The following ARHGEF9 variants were observed in gnomAD, a reference collection of about 807,000 sequenced individuals.
ARHGEF9 encodes the protein rho guanine nucleotide exchange factor 9.
ARHGEF9 carries 2 observed loss-of-function variants against 41.3 expected under a neutral mutation model. That is an observed-to-expected ratio of 0.05 (90% CI 0.02 to 0.15). ARHGEF9 has a LOEUF of 0.15. Among genes scored for constraint, ARHGEF9 ranks in the 10% least tolerant of loss-of-function variants. The probability of loss-of-function intolerance (pLI) is 1.00; values close to 1 mark genes in which losing one functional copy is unlikely to be tolerated. For synonymous variants in ARHGEF9, 160 were observed against 154.4 expected (o/e 1.04, Z -0.27); for missense variants, 225 against 424.7 (o/e 0.53, Z 4.13).
intron 1 of ARHGEF9, among the ~76,000 whole-genome samples, chrX:63,751,842 C>T (rs1288965064): frequency 2.8e-4 from 31 of 110,219 alleles, no homozygotes; most frequent in Admixed American, 5.7e-4. Context: ...GTGCTCCCCC[C>T]CACACACCCC....
intron 2 of ARHGEF9, among the ~76,000 whole-genome samples, chrX:63,711,061 C>T (rs1342859572): frequency 1.1e-4 from 12 of 111,082 alleles, no homozygotes; most frequent in African/African-American, 3.9e-4. Context: ...AAAATGATCA[C>T]ATTTAAATAG....
At chrX:63,770,924 A>C (rs1391649631) in intron 1 of ARHGEF9, among the ~76,000 whole-genome samples, 1 of 112,482 alleles carries the variant, frequency 8.9e-6, no homozygotes, top group Non-Finnish European at 1.9e-5. Context: ...TTCTTTTGCA[A>C]ATTGCCCAGT....
intron 8 of ARHGEF9, among the ~76,000 whole-genome samples, chrX:63,649,507 C>T (rs2048385766): frequency 9.0e-6 from 1 of 111,291 alleles, no homozygotes; most frequent in Admixed American, 9.6e-5. Context: ...TAAATTGACA[C>T]CCTAACATCA....
intron 7 of ARHGEF9, among the ~76,000 whole-genome samples, chrX:63,659,641 C>T (rs782059774): frequency 9.0e-6 from 1 of 111,607 alleles, no homozygotes; most frequent in South Asian, 3.8e-4. Context: ...AGCCTTTTCT[C>T]TCCAGATCCT....
intron 1 of ARHGEF9, among the ~76,000 whole-genome samples, chrX:63,734,676 G>A (rs1301033485): frequency 1.8e-5 from 2 of 111,484 alleles, no homozygotes; most frequent in Non-Finnish European, 3.8e-5. Context: ...AGGAATTACG[G>A]TGGCCTGTCG....
intron 1 of ARHGEF9, among the ~76,000 whole-genome samples, chrX:63,771,193 T>A (rs1382831921): frequency 8.9e-6 from 1 of 112,198 alleles, no homozygotes. Flanking sequence ...TTTGAAAATA[T>A]GAAATACCAA....
chrX:63,677,248 C>T (rs1198922267), intron 5 of ARHGEF9, among the ~76,000 whole-genome samples: 1 of 112,114 alleles, frequency 8.9e-6, no homozygotes, highest in Non-Finnish European at 1.9e-5. Context: ...GACATGTCAG[C>T]TAGCCTCCCT....
intron 9 of ARHGEF9, chrX:63,642,540 G>A (rs2047704806): frequency 8.9e-6 from 1 of 112,064 alleles, no homozygotes; most frequent in Non-Finnish European, 1.9e-5. Context: ...CCAAGAGCAA[G>A]AAGTAATAAG....
intron 1 of ARHGEF9, chrX:63,755,391 GA>G (rs1248070048): frequency 1.7e-5 from 6 of 344,691 alleles, no homozygotes; most frequent in African/African-American, 1.3e-4. Flanking sequence ...CTTGGGGGCG[GA>G]TAGAGGGGGT....
chrX:63,652,847 C>T (rs2048636697), intron 8 of ARHGEF9, among the ~76,000 whole-genome samples: 1 of 110,939 alleles, frequency 9.0e-6, no homozygotes, highest in African/African-American at 3.3e-5. Flanking sequence ...TTCTCCCATG[C>T]TGTTCTCATG....
chrX:63,783,441 A>C (rs1369215441), intron 1 of ARHGEF9, among the ~76,000 whole-genome samples: 8 of 110,774 alleles, frequency 7.2e-5, no homozygotes, highest in African/African-American at 2.6e-4. Context: ...TTTTTAGTAG[A>C]GACGGGGTTT....
At chrX:63,671,238 T>C (rs2049940230) in intron 6 of ARHGEF9, 1 of 111,875 alleles carries the variant, frequency 8.9e-6, no homozygotes, top group Admixed American at 9.4e-5. Flanking sequence ...TGGCAGAATG[T>C]CTCTCCTTGC....
At chrX:63,690,312 C>T (rs1162947322) in intron 4 of ARHGEF9, among the ~76,000 whole-genome samples, 1 of 111,099 alleles carries the variant, frequency 9.0e-6, no homozygotes, top group Non-Finnish European at 1.9e-5. Flanking sequence ...GAGAATATAA[C>T]TGATACCACA....
At chrX:63,709,898 C>A (rs1231762868) in intron 2 of ARHGEF9, among the ~76,000 whole-genome samples, 1 of 111,321 alleles carries the variant, frequency 9.0e-6, no homozygotes, top group Non-Finnish European at 1.9e-5. Flanking sequence ...GAAACTGATA[C>A]CCACAGAGAC....
At chrX:63,674,606 A>T (rs2050146981) in intron 5 of ARHGEF9, among the ~76,000 whole-genome samples, 1 of 111,654 alleles carries the variant, frequency 9.0e-6, no homozygotes, top group Non-Finnish European at 1.9e-5. Flanking sequence ...CTTATCTGGG[A>T]AGAGAGAGTT....
chrX:63,683,468 T>C (rs1444067667), intron 4 of ARHGEF9, among the ~76,000 whole-genome samples: 2 of 111,600 alleles, frequency 1.8e-5, no homozygotes, highest in African/African-American at 6.5e-5. Context: ...TAAATTCCAA[T>C]GGCATTTTTC....
At chrX:63,700,536 GAAA>G (rs782510616) in intron 3 of ARHGEF9, among the ~76,000 whole-genome samples, 14 of 111,556 alleles carry the variant, frequency 1.3e-4, no homozygotes, top group Non-Finnish European at 1.9e-4. Context: ...TTTTCAGTTA[GAAA>G]AAAGAAGAAA....
At chrX:63,680,633 C>T (rs782102657) in intron 4 of ARHGEF9, among the ~76,000 whole-genome samples, 6 of 112,478 alleles carry the variant, frequency 5.3e-5, no homozygotes, top group African/African-American at 1.9e-4. Flanking sequence ...CCCAGTAGGC[C>T]TCTCTGTCAA....
At chrX:63,721,878 AAC>A (rs782431105) in intron 2 of ARHGEF9, among the ~76,000 whole-genome samples, 4 of 110,896 alleles carry the variant, frequency 3.6e-5, no homozygotes, top group African/African-American at 1.3e-4. Context: ...AGAACCTGAG[AAC>A]ACACACACAC....
Sources: allele counts gnomAD v4.1 joint callset (sites outside exome capture counted in the v4.1 genomes callset), GRCh38; gene constraint gnomAD v4.1.1; transcripts MANE v1.5; gene names NCBI Gene and HGNC (gene_info 2026-07-23, HGNC 2026-07-21).